Variants in APBA2 observed in about 807,000 individuals in gnomAD.
APBA2 encodes the protein amyloid-beta A4 precursor protein-binding family A member 2.
A neutral mutation model predicts 75.0 loss-of-function variants in APBA2; 30 were observed. That is an observed-to-expected ratio of 0.40 (90% confidence interval 0.30 to 0.54). The LOEUF is 0.54. APBA2 is among the 20% of genes least tolerant of loss of function. The probability of loss-of-function intolerance (pLI) is 0.49; values close to 1 mark genes in which losing one functional copy is unlikely to be tolerated. For synonymous variants in APBA2, 444 were observed against 409.6 expected (o/e 1.08, Z -1.01); for missense variants, 801 against 1,016.1 (o/e 0.79, Z 2.88).
intron 12 of APBA2, among the ~76,000 whole-genome samples, chr15:29,107,897 G>A (rs566300175): frequency 1.8e-4 from 27 of 152,298 alleles, no homozygotes; most frequent in Middle Eastern, 3.4e-3. Flanking sequence ...AAGCTGTCCC[G>A]AATTCGGCAT....
chr15:29,117,100 C>T lies in APBA2; in HGVS notation c.2217C>T (p.Leu739=). Residue 739 remains leucine (L), a synonymous_variant, in exon 15 of 15, where the codon CTC becomes CTT. Transcript: ENST00000683413. ...MKTMPAAMFR[L]LTGQETPLYI is the part of the protein sequence containing the mutation. The stretch of plus-strand genomic sequence containing the variant: ...CCATGCCCGCCGCCATGTTCAGGCT[C>T]CTCACGGGTCAGGAGACCCCGCTGT... 8.1e-6 allele frequency: 13 copies of T among 1,613,344 alleles called. No homozygotes were observed. The highest frequency in any genetic ancestry group is 1.1e-5 in the Non-Finnish European group (13 of 1,179,992).
intron 2 of APBA2, among the ~76,000 whole-genome samples, chr15:28,985,393 T>G (rs937949154): frequency 8.5e-5 from 13 of 152,148 alleles, no homozygotes; most frequent in Non-Finnish European, 1.8e-4. Context: ...CAGATTTTCG[T>G]GGTCATTTTC....
intron 1 of APBA2, among the ~76,000 whole-genome samples, chr15:28,886,672 CG>C (rs1390829626): frequency 6.6e-6 from 1 of 152,148 alleles, no homozygotes; most frequent in Non-Finnish European, 1.5e-5. Flanking sequence ...ATCAAGTCCC[CG>C]TGCCGGGCGG....
intron 2 of APBA2, among the ~76,000 whole-genome samples, chr15:28,945,092 G>T (rs1168290101): frequency 6.6e-6 from 1 of 152,248 alleles, no homozygotes; most frequent in African/African-American, 2.4e-5. Context: ...CACAGGAGGT[G>T]CAGCAGAGCA....
rs751461137 is a variant in APBA2, at chr15:29,117,121, G to T, written c.2238G>T (p.Pro746=). The change falls in exon 15 of 15, where the codon CCG becomes CCT. Residue 746 remains proline, a synonymous_variant. Transcript: ENST00000683413. ...GGCTCCTCACGGGTCAGGAGACCCC[G>T]CTGTACATCTAGGCCACCCCAGCCT... is the stretch of plus-strand genomic sequence containing the variant. ...MFRLLTGQET[P]LYI 1.9e-6 allele frequency: 3 copies of T among 1,613,156 alleles called. No homozygotes were observed. The highest frequency in any genetic ancestry group is 4.5e-5 in the East Asian group (2 of 44,820).
At chr15:29,010,016 C>T (rs1017536902) in intron 3 of APBA2, among the ~76,000 whole-genome samples, 2 of 152,166 alleles carry the variant, frequency 1.3e-5, no homozygotes, top group African/African-American at 4.8e-5. Context: ...ATTACACTCC[C>T]ACCTGCAAAT....
chr15:28,971,795 C>T (rs949174046), intron 2 of APBA2, among the ~76,000 whole-genome samples: 5 of 152,184 alleles, frequency 3.3e-5, no homozygotes. Flanking sequence ...GCAAGCCACA[C>T]AGACCTCTCC....
At chr15:28,941,322 G>A (rs878959100) in intron 2 of APBA2, among the ~76,000 whole-genome samples, 2 of 152,154 alleles carry the variant, frequency 1.3e-5, no homozygotes, top group South Asian at 4.2e-4. Flanking sequence ...CACTGCCCGG[G>A]AGCTGGTCTG....
At chr15:28,942,529 T>A (rs1335720750) in intron 2 of APBA2, among the ~76,000 whole-genome samples, 2 of 152,188 alleles carry the variant, frequency 1.3e-5, no homozygotes, top group Non-Finnish European at 2.9e-5. Flanking sequence ...CTTCAGTATT[T>A]CTTGGGGGAG....
At chr15:29,079,923 G>T (rs571764416) in intron 6 of APBA2, among the ~76,000 whole-genome samples, 189 of 152,168 alleles carry the variant, frequency 1.2e-3, no homozygotes, top group Non-Finnish European at 2.5e-3. Flanking sequence ...ATTTCATGTC[G>T]CCTGGTCAAC....
chr15:29,022,523 C>T (rs1334539380), intron 3 of APBA2, among the ~76,000 whole-genome samples: 3 of 152,028 alleles, frequency 2.0e-5, no homozygotes, highest in Admixed American at 6.5e-5. Context: ...ATATATATAG[C>T]TTTTAAAAAA....
Position 29,053,933 on chromosome 15 carries a change from A to G in APBA2, c.49A>G (p.Arg17Gly). ...CGTGGGGAGCGGCATGTTGGACCAT[A>G]GGGTGAGACCAGGTCCTGTCCCTCA... ...ESVGSGMLDH[R>G]VRPGPVPHSQ... The change falls in exon 4 of 15, where the codon AGG becomes GGG. Residue 17 changes from arginine (R) to glycine (G), a missense_variant. Around this residue, in one of 2 missense-constraint regions of APBA2, gnomAD observed 434 missense variants for 471.6 expected, o/e 0.92. Transcript: ENST00000683413. The G allele has an allele frequency of 6.2e-7, 1 of 1,613,954 alleles. No individual in the cohort carries two copies. The highest frequency in any genetic ancestry group is 8.5e-7 in the Non-Finnish European group (1 of 1,179,946).
Position 28,986,970 on chromosome 15 carries a change from T to C in APBA2, c.-94-8783T>C, listed in dbSNP as rs1258647565. Among the ~76,000 whole-genome samples the C allele has an allele frequency of 2.6e-5, 4 of 152,224 alleles. No individual in the cohort carries two copies. In the East Asian group the frequency reaches 7.7e-4, roughly 29 times the overall value. On this transcript the variant is annotated intron_variant, in intron 2 of 14. Coordinates refer to ENST00000683413, the MANE Select transcript of APBA2 (RefSeq NM_001353788.2). ...GCTTCCTGGTTCATAGAAGGCCATC[T>C]TCTCACTACATCCTCACTTGGTGGA...
chr15:28,889,629 G>T (rs534625523), intron 1 of APBA2, among the ~76,000 whole-genome samples: 3 of 152,214 alleles, frequency 2.0e-5, no homozygotes, highest in Non-Finnish European at 2.9e-5. Flanking sequence ...TCATCTTGGC[G>T]CATGTCCATC....
At chr15:28,996,800 A>G (rs1479535319) in intron 3 of APBA2, among the ~76,000 whole-genome samples, 1 of 152,156 alleles carries the variant, frequency 6.6e-6, no homozygotes, top group African/African-American at 2.4e-5. Context: ...TCAGAGTGTT[A>G]CATGCAAGGC....
At chr15:28,901,641 T>C (rs1176690862) in intron 1 of APBA2, among the ~76,000 whole-genome samples, 1 of 152,084 alleles carries the variant, frequency 6.6e-6, no homozygotes, top group Non-Finnish European at 1.5e-5. Context: ...TGAGTGGTCC[T>C]GGATGCAGCC....
chr15:28,913,671 G>A (rs529234203), intron 1 of APBA2, among the ~76,000 whole-genome samples: 1 of 152,358 alleles, frequency 6.6e-6, no homozygotes, highest in South Asian at 2.1e-4. Context: ...AGGGGTTGGT[G>A]CCATAGCAGC....
At chr15:29,023,721 GC>G (rs767197648) in intron 3 of APBA2, among the ~76,000 whole-genome samples, 130 of 117,284 alleles carry the variant, frequency 1.1e-3, no homozygotes, top group Non-Finnish European at 1.2e-3. Context: ...CTCCCAAAGT[GC>G]TGGGATTATA....
In APBA2 at chr15:29,117,057, C is replaced by G. The variant is rs369581518; in HGVS notation, c.2179-5C>G. On this transcript the variant is annotated splice_polypyrimidine_tract_variant and splice_region_variant and intron_variant, in intron 14 of 14. Transcript: ENST00000683413. ...AGCGGCTCAGCCTCCTGTTTCTGTC[C>G]GCAGATCCACATGAAGACCATGCCC... is the stretch of plus-strand genomic sequence containing the variant. 5 of 1,612,930 alleles carry G rather than the reference C, an allele frequency of 3.1e-6. No homozygotes were observed. The highest frequency in any genetic ancestry group is 1.3e-5 in the African/African-American group (1 of 74,918).
Sources: allele counts gnomAD v4.1 joint callset (sites outside exome capture counted in the v4.1 genomes callset), GRCh38; gene constraint gnomAD v4.1.1; regional missense constraint gnomAD v4.1.1; transcripts MANE v1.5; gene names NCBI Gene and HGNC (gene_info 2026-07-23, HGNC 2026-07-21).